The following SPON1 variants were observed in gnomAD, a reference collection of about 807,000 sequenced individuals.
The protein encoded by SPON1 is spondin 1, also known as spondin-1.
Under a neutral mutation model 111.7 loss-of-function variants are expected in SPON1, and 52 were observed. The ratio of observed to expected loss-of-function variants is 0.47; its 90% CI spans 0.37 to 0.59. The LOEUF (loss-of-function observed/expected upper bound fraction) is 0.59. Ranked by LOEUF, SPON1 falls within the 20% of genes least tolerant of loss-of-function variation. The pLI, the probability that SPON1 is intolerant of heterozygous loss-of-function variation, is 0.00. For missense variants in SPON1, 957 were observed against 1,068.5 expected (o/e 0.90, Z 1.46); for synonymous variants, 410 against 395.8 (o/e 1.04, Z -0.43).
At chr11:14,168,346 G>A (rs555286213) in intron 6 of SPON1, among the ~76,000 whole-genome samples, 42 of 152,158 alleles carry the variant, frequency 2.8e-4, no homozygotes, top group East Asian at 5.8e-4. Context: ...CTAAAGTCAC[G>A]TGAACAAAAA....
intron 7 of SPON1, among the ~76,000 whole-genome samples, chr11:14,246,148 G>T (rs1471993428): frequency 6.6e-6 from 1 of 152,174 alleles, no homozygotes; most frequent in Non-Finnish European, 1.5e-5. Context: ...CCATTAAGGA[G>T]TCTTTATACC....
chr11:14,127,673 C>T (rs181563454), intron 5 of SPON1, among the ~76,000 whole-genome samples: 5 of 152,302 alleles, frequency 3.3e-5, no homozygotes, highest in African/African-American at 9.6e-5. Context: ...TCTTTTTGAG[C>T]GTTTAATGAG....
intron 6 of SPON1, among the ~76,000 whole-genome samples, chr11:14,196,329 G>A (rs1431812660): frequency 6.6e-6 from 1 of 152,138 alleles, no homozygotes; most frequent in African/African-American, 2.4e-5. Flanking sequence ...AGGGAAGATG[G>A]GGAGTGACAA....
At chr11:14,217,944 C>G (rs958658942) in intron 6 of SPON1, among the ~76,000 whole-genome samples, 2 of 152,188 alleles carry the variant, frequency 1.3e-5, no homozygotes, top group Non-Finnish European at 2.9e-5. Flanking sequence ...AATTCTTTAT[C>G]AGGCCCCAGC....
intron 3 of SPON1, among the ~76,000 whole-genome samples, chr11:14,054,818 C>T (rs1438529504): frequency 1.3e-5 from 2 of 152,272 alleles, no homozygotes; most frequent in Middle Eastern, 3.4e-3. Flanking sequence ...CAGGATCTCC[C>T]GCTCTTACAT....
At chr11:14,099,842 G>A (rs1428199038) in intron 5 of SPON1, among the ~76,000 whole-genome samples, 1 of 152,134 alleles carries the variant, frequency 6.6e-6, no homozygotes, top group Non-Finnish European at 1.5e-5. Flanking sequence ...TGAAGGCCAA[G>A]CGGAAGCAAC....
chr11:14,257,003 T>C (rs537617824), intron 10 of SPON1, among the ~76,000 whole-genome samples: 1 of 152,132 alleles, frequency 6.6e-6, no homozygotes, highest in South Asian at 2.1e-4. Context: ...CAGGCCAGCC[T>C]ATGAGGCAGG....
At chr11:14,173,068 G>C (rs1848126668) in intron 6 of SPON1, among the ~76,000 whole-genome samples, 2 of 151,884 alleles carry the variant, frequency 1.3e-5, no homozygotes, top group Non-Finnish European at 2.9e-5. Context: ...AGTTCTCCTG[G>C]ATAATATCCT....
chr11:14,133,217 G>A (rs1170502883), intron 5 of SPON1, among the ~76,000 whole-genome samples: 1 of 152,180 alleles, frequency 6.6e-6, no homozygotes, highest in Non-Finnish European at 1.5e-5. Context: ...TCCCAACTAT[G>A]TCAAGTGCAT....
At chr11:14,136,857 C>CTCCT in intron 6 of SPON1, among the ~76,000 whole-genome samples, 1 of 152,196 alleles carries the variant, frequency 6.6e-6, no homozygotes, top group Non-Finnish European at 1.5e-5. Flanking sequence ...ATTGGCATCA[C>CTCCT]TCCTTCAGAC....
intron 2 of SPON1, among the ~76,000 whole-genome samples, chr11:14,007,666 T>C (rs1848372654): frequency 6.6e-6 from 1 of 152,118 alleles, no homozygotes; most frequent in Non-Finnish European, 1.5e-5. Context: ...AAGTTGACAC[T>C]CAGTATTAAC....
chr11:14,063,777 A>G (rs1221569946), intron 3 of SPON1, among the ~76,000 whole-genome samples: 1 of 152,236 alleles, frequency 6.6e-6, no homozygotes, highest in Non-Finnish European at 1.5e-5. Flanking sequence ...TGGACATACC[A>G]TCATCCTGCT....
At chr11:14,062,472 C>T (rs781785880) in intron 3 of SPON1, among the ~76,000 whole-genome samples, 2 of 152,150 alleles carry the variant, frequency 1.3e-5, no homozygotes, top group African/African-American at 2.4e-5. Context: ...ACAATAGCAT[C>T]GCAAACTGGG....
At chr11:14,229,654 G>A (rs919826095) in intron 6 of SPON1, among the ~76,000 whole-genome samples, 2 of 152,106 alleles carry the variant, frequency 1.3e-5, no homozygotes, top group Admixed American at 6.6e-5. Context: ...GCCCTGTGAC[G>A]GGAGCCCAGC....
intron 6 of SPON1, among the ~76,000 whole-genome samples, chr11:14,235,517 A>G (rs1554939122): frequency 6.6e-6 from 1 of 151,836 alleles, no homozygotes; most frequent in African/African-American, 2.4e-5. Flanking sequence ...CATCTCTACA[A>G]CTAATTTTAA....
intron 6 of SPON1, among the ~76,000 whole-genome samples, chr11:14,236,178 T>A (rs1436314622): frequency 6.6e-6 from 1 of 152,024 alleles, no homozygotes; most frequent in Non-Finnish European, 1.5e-5. Context: ...AGAGACCTGC[T>A]AGGAAGCAAC....
intron 5 of SPON1, among the ~76,000 whole-genome samples, chr11:14,091,619 C>T (rs553197274): frequency 7.0e-6 from 1 of 143,302 alleles, no homozygotes; most frequent in African/African-American, 2.6e-5. Flanking sequence ...CCGCCTGCTC[C>T]GAGTGCGGAG....
At position 14,260,629 on chromosome 11, in the gene SPON1, G is replaced by C; in HGVS notation, c.1873G>C (p.Asp625His). 2 of 1,613,984 alleles carry C rather than the reference G, an allele frequency of 1.2e-6. No homozygotes were observed. Among genetic ancestry groups the C allele is most frequent in the Non-Finnish European group, 1.7e-6 (2 of 1,179,886 alleles). The change falls in exon 14 of 16, where the codon GAC becomes CAC. Residue 625 changes from aspartate to histidine, a missense_variant. Asp to His is a moderately conservative substitution (Grantham distance 81). Transcript: ENST00000576479. Reference sequence around the variant, plus strand: ...GCTGTCCCCATGGTCCGAGTGGAGTGACTGCAGCGTGACCTGCGGGAAGGG... The same window carrying C: ...GCTGTCCCCATGGTCCGAGTGGAGTCACTGCAGCGTGACCTGCGGGAAGGG... ...CLLSPWSEWS[D>H]CSVTCGKGMR...
At chr11:13,998,296 AT>A (rs1848289310) in intron 2 of SPON1, among the ~76,000 whole-genome samples, 2 of 152,210 alleles carry the variant, frequency 1.3e-5, no homozygotes, top group African/African-American at 4.8e-5. Flanking sequence ...TCTATTCTGC[AT>A]CTCTTACAGC....
Sources: gnomAD v4.1 joint callset for allele counts (sites outside exome capture counted in the v4.1 genomes callset) on GRCh38, gnomAD v4.1.1 for gene constraint, MANE v1.5 for transcripts, NCBI Gene and HGNC (gene_info 2026-07-23, HGNC 2026-07-21) for gene names.